Variants in TAF2 observed in about 807,000 individuals in gnomAD.
The protein encoded by TAF2 is TATA-box binding protein associated factor 2.
TAF2 carries 61 observed loss-of-function variants against 138.5 expected under a neutral mutation model. The ratio of observed to expected loss-of-function variants is 0.44; its 90% CI spans 0.36 to 0.54. The LOEUF is 0.54. TAF2 is among the 20% of genes least tolerant of loss of function. The pLI is 0.00. For missense variants in TAF2, 1,090 were observed against 1,427.9 expected (o/e 0.76, Z 3.81); for synonymous variants, 475 against 469.9 (o/e 1.01, Z -0.14).
intron 21 of TAF2, among the ~76,000 whole-genome samples, chr8:119,756,939 T>C (rs16893117): frequency 0.13 from 19,608 of 152,158 alleles, 2,266 homozygotes; most frequent in African/African-American, 0.31. Context: ...AGCACCAAGT[T>C]TGAGAAATTA....
At chr8:119,767,376 C>T (rs1015156665) in intron 18 of TAF2, among the ~76,000 whole-genome samples, 2 of 152,152 alleles carry the variant, frequency 1.3e-5, no homozygotes, top group African/African-American at 2.4e-5. Flanking sequence ...CCCAGCAGCC[C>T]GCTGAACCAG....
Position 119,797,790 on chromosome 8 carries a change from G to T in TAF2, c.849C>A (p.Tyr283Ter), listed in dbSNP as rs1460034884. ...CATAAAATTCAAAGACTTCATGAAG[G>T]TATGATGTGGTATGTTTCAGCAATG... ...LLPLLKHTTS[Y>*]LHEVFEFYEE... Residue 283 changes from tyrosine to a stop codon, truncating the protein, a stop_gained, in exon 7 of 26, where the codon TAC becomes TAA. Transcript: ENST00000378164. LOFTEE classifies it high-confidence loss of function. 6.2e-7 allele frequency: 1 copy of T among 1,613,548 alleles called. No homozygotes were observed. Among genetic ancestry groups the T allele is most frequent in the Admixed American group, 1.7e-5 (1 of 59,994 alleles).
At chr8:119,797,951 T>G in intron 6 of TAF2, 105 bp from the exon 7 acceptor site, 1 of 1,087,930 alleles carries the variant, frequency 9.2e-7, no homozygotes, top group Non-Finnish European at 1.3e-6. Context: ...ATAAATCTAT[T>G]CTTTAATAAT....
At chr8:119,825,674 G>A (rs753850600) in intron 2 of TAF2, among the ~76,000 whole-genome samples, 5 of 151,988 alleles carry the variant, frequency 3.3e-5, no homozygotes, top group Admixed American at 1.3e-4. Context: ...GAGACCTGAC[G>A]GTTTTTTTGT....
rs776991750 is a variant in TAF2, at chr8:119,758,039, C to T, written c.2768+34G>A. ...ATTACTCAGTTCACTATAGGACTTACAAAATATCATAGCATCATAGCACAT... is the reference window on the plus strand; with the variant it reads ...ATTACTCAGTTCACTATAGGACTTATAAAATATCATAGCATCATAGCACAT... On this transcript the variant is annotated intron_variant, in intron 21 of 25. Transcript: ENST00000378164. The T allele has an allele frequency of 2.5e-6, 4 of 1,579,110 alleles. No individual in the cohort carries two copies. The South Asian group carries it at 4.4e-5, about 17-fold the overall frequency.
intron 3 of TAF2, among the ~76,000 whole-genome samples, chr8:119,813,383 C>A (rs77976331): frequency 0.019 from 2,834 of 152,272 alleles, 88 homozygotes; most frequent in African/African-American, 0.064. Context: ...TTAGGTGATT[C>A]TCTTGAGGAC....
At chr8:119,766,599 G>A (rs1295919390) in intron 18 of TAF2, among the ~76,000 whole-genome samples, 1 of 152,116 alleles carries the variant, frequency 6.6e-6, no homozygotes, top group Non-Finnish European at 1.5e-5. Context: ...AGACAAGCCT[G>A]GCCAAAACAG....
At chr8:119,824,577 A>ACACAGCC (rs1188438775) in intron 2 of TAF2, among the ~76,000 whole-genome samples, 1 of 152,216 alleles carries the variant, frequency 6.6e-6, no homozygotes, top group Non-Finnish European at 1.5e-5. Context: ...AGAGGTCTTC[A>ACACAGCC]CACAGCCCCT....
In TAF2 at chr8:119,832,347, C is replaced by T. The variant is rs1826513476; in HGVS notation, c.83+135G>A. The T allele has an allele frequency of 3.9e-6, 3 of 772,084 alleles. No homozygotes were observed. In the South Asian group the frequency reaches 4.8e-5, roughly 12 times the overall value. 47.8% of individuals were successfully genotyped at this position (772,084 alleles called of 1,614,324 possible). ...CAAAACATTTTTACCTTACAAACAC[C>T]ATTTCCATCACAGTGAGTAAATTCT... On this transcript the variant is annotated intron_variant, in intron 1 of 25. Transcript: ENST00000378164.
intron 18 of TAF2, among the ~76,000 whole-genome samples, chr8:119,765,561 G>A (rs1253494901): frequency 6.6e-6 from 1 of 152,058 alleles, no homozygotes; most frequent in Non-Finnish European, 1.5e-5. Context: ...CTGGAGGGGT[G>A]GACTGGGACC....
chr8:119,797,705 C>A lies in TAF2; in HGVS notation c.934G>T (p.Ala312Ser). The change falls in exon 7 of 26, where the codon GCT becomes TCT. Residue 312 changes from alanine to serine, a missense_variant. By Grantham distance (99) the Ala-to-Ser change is moderately conservative. Around this residue, in one of 3 missense-constraint regions of TAF2, gnomAD observed 504 missense variants for 680.9 expected, o/e 0.74. Transcript: ENST00000378164. ...SCFKTVFIDEAYVEVAAYASM... is the reference protein window; with the variant it reads ...SCFKTVFIDESYVEVAAYASM... ...GCATAAGCAGCCACTTCAACATAAG[C>A]CTCATCAATGAAGACAGTCTTAAAA... 1 of 1,613,488 alleles carries A rather than the reference C, an allele frequency of 6.2e-7. No individual in the cohort carries two copies. Among genetic ancestry groups the A allele is most frequent in the Non-Finnish European group, 8.5e-7 (1 of 1,179,690 alleles).
intron 3 of TAF2, among the ~76,000 whole-genome samples, chr8:119,809,575 A>G (rs1051700620): frequency 1.4e-4 from 22 of 152,126 alleles, no homozygotes; most frequent in African/African-American, 5.1e-4. Context: ...AACCATTTCT[A>G]TAGCTTTTGG....
intron 6 of TAF2, among the ~76,000 whole-genome samples, chr8:119,801,400 A>G (rs1046968833): frequency 4.6e-5 from 7 of 152,052 alleles, no homozygotes; most frequent in South Asian, 4.1e-4. Context: ...AGTTGAAAAA[A>G]GAGTGAAGGA....
chr8:119,781,002 CTT>C (rs755559568), intron 17 of TAF2, 49 bp downstream of exon 17: 1 of 1,482,638 alleles, frequency 6.7e-7, no homozygotes, highest in East Asian at 2.4e-5. Flanking sequence ...CAGTCTCCAA[CTT>C]AAACTGAAAT....
chr8:119,814,722 T>C (rs1319578089), intron 3 of TAF2, among the ~76,000 whole-genome samples: 2 of 126,592 alleles, frequency 1.6e-5, no homozygotes, highest in Non-Finnish European at 3.2e-5. Context: ...TGAAACCCTG[T>C]CTCTACCAAA....
chr8:119,767,914 GGCCACCACAGAT>G (rs959837714), intron 18 of TAF2, among the ~76,000 whole-genome samples: 25 of 152,196 alleles, frequency 1.6e-4, no homozygotes, highest in African/African-American at 6.0e-4. Flanking sequence ...TGTCACCACA[GGCCACCACAGAT>G]GCCACACTGC....
intron 18 of TAF2, among the ~76,000 whole-genome samples, chr8:119,764,833 A>G (rs1821314424): frequency 6.6e-6 from 1 of 152,208 alleles, no homozygotes; most frequent in African/African-American, 2.4e-5. Context: ...CCTAAATTCT[A>G]ATTTCTTCAA....
chr8:119,806,625 A>C (rs918498803), intron 3 of TAF2, among the ~76,000 whole-genome samples: 5 of 151,438 alleles, frequency 3.3e-5, no homozygotes, highest in African/African-American at 1.2e-4. Context: ...CCACCACCAC[A>C]ACCAGCTAAT....
At chr8:119,793,498 A>G (rs756332102) in intron 9 of TAF2, 47 bp from the exon 10 acceptor site, 2 of 1,321,080 alleles carry the variant, frequency 1.5e-6, no homozygotes, top group Non-Finnish European at 1.1e-6. Flanking sequence ...GTAAAGTAAC[A>G]TTTTTTTACA....
Sources: gnomAD v4.1 joint callset for allele counts (sites outside exome capture counted in the v4.1 genomes callset) on GRCh38, gnomAD v4.1.1 for gene constraint, gnomAD v4.1.1 regional missense constraint, MANE v1.5 for transcripts, NCBI Gene and HGNC (gene_info 2026-07-23, HGNC 2026-07-21) for gene names.